ARB2A: variants seen among roughly 807,000 people sequenced by gnomAD.
The protein encoded by ARB2A is ARB2 cotranscriptional regulator A.
At chr5:93,797,364 T>C in the ARB2A span, among the ~76,000 whole-genome samples, 1 of 152,264 alleles carries the variant, frequency 6.6e-6, no homozygotes, top group African/African-American at 2.4e-5. Context: ...TCTATTATCA[T>C]TAAGTATTGC....
At chr5:93,736,448 C>G in the ARB2A span, 1 of 152,164 alleles carries the variant, frequency 6.6e-6, no homozygotes, top group Non-Finnish European at 1.5e-5. Flanking sequence ...TGAGCTACAT[C>G]TGGGCTACTT....
the ARB2A span, among the ~76,000 whole-genome samples, chr5:93,888,830 G>A: frequency 1.3e-5 from 2 of 151,600 alleles, no homozygotes; most frequent in African/African-American, 4.8e-5. Context: ...CAGTGCTTGT[G>A]GTGCTAGAGT....
At chr5:93,965,990 T>C in the ARB2A span, among the ~76,000 whole-genome samples, 1 of 152,058 alleles carries the variant, frequency 6.6e-6, no homozygotes, top group Non-Finnish European at 1.5e-5. Context: ...AAAATGCTAG[T>C]TATTAAACTA....
the ARB2A span, among the ~76,000 whole-genome samples, chr5:93,883,784 A>G: frequency 1.3e-5 from 2 of 151,474 alleles, no homozygotes; most frequent in African/African-American, 4.8e-5. Flanking sequence ...CATAGTCAAA[A>G]AAGGTCACCA....
At chr5:93,648,772 T>C in the ARB2A span, among the ~76,000 whole-genome samples, 2 of 152,248 alleles carry the variant, frequency 1.3e-5, no homozygotes, top group Non-Finnish European at 2.9e-5. Context: ...CCTATCAATA[T>C]GCTTGAAGTT....
At chr5:94,027,474 T>C in the ARB2A span, among the ~76,000 whole-genome samples, 1 of 152,132 alleles carries the variant, frequency 6.6e-6, no homozygotes, top group East Asian at 1.9e-4. Flanking sequence ...GCCTAGGTAA[T>C]AAGGCTTCCA....
the ARB2A span, among the ~76,000 whole-genome samples, chr5:93,701,200 T>G: frequency 1.3e-4 from 20 of 152,336 alleles, 1 homozygote; most frequent in African/African-American, 4.8e-4. Context: ...AATAATTGTA[T>G]GCTTCTTTTT....
the ARB2A span, among the ~76,000 whole-genome samples, chr5:93,783,100 A>G: frequency 6.6e-6 from 1 of 152,092 alleles, no homozygotes; most frequent in African/African-American, 2.4e-5. Context: ...AAATTTTATT[A>G]TATTTGTCAT....
At chr5:94,090,325 T>G in the ARB2A span, among the ~76,000 whole-genome samples, 1 of 152,210 alleles carries the variant, frequency 6.6e-6, no homozygotes, top group Non-Finnish European at 1.5e-5. Context: ...GCTCTCTGTT[T>G]GTCTATTATT....
chr5:94,044,988 G>A, the ARB2A span, among the ~76,000 whole-genome samples: 8 of 151,478 alleles, frequency 5.3e-5, no homozygotes, highest in Non-Finnish European at 1.0e-4. Flanking sequence ...GCATGGTGGC[G>A]CTTGCCTGTA....
At chr5:93,906,842 T>C in the ARB2A span, among the ~76,000 whole-genome samples, 1 of 151,396 alleles carries the variant, frequency 6.6e-6, no homozygotes, top group Non-Finnish European at 1.5e-5. Flanking sequence ...TGAGGAAAAA[T>C]GAATCTTCAG....
the ARB2A span, among the ~76,000 whole-genome samples, chr5:93,821,518 A>G: frequency 6.6e-6 from 1 of 152,096 alleles, no homozygotes; most frequent in Admixed American, 6.5e-5. Flanking sequence ...TGAAAGTAAA[A>G]CAATTCATAC....
the ARB2A span, among the ~76,000 whole-genome samples, chr5:93,732,520 A>G: frequency 6.6e-6 from 1 of 151,984 alleles, no homozygotes; most frequent in Non-Finnish European, 1.5e-5. Flanking sequence ...AGAAAAACAG[A>G]CATATGGCAG....
At chr5:93,689,491 C>T in the ARB2A span, among the ~76,000 whole-genome samples, 256 of 152,292 alleles carry the variant, frequency 1.7e-3, no homozygotes, top group Non-Finnish European at 1.8e-3. Context: ...ACTGCTAAGA[C>T]GCAGCATTCT....
chr5:94,014,615 A>G, the ARB2A span, among the ~76,000 whole-genome samples: 6 of 152,164 alleles, frequency 3.9e-5, no homozygotes, highest in Non-Finnish European at 8.8e-5. Flanking sequence ...TCAAAGTAGC[A>G]GTGTTAAGGC....
the ARB2A span, chr5:93,618,117 T>C: frequency 6.6e-6 from 1 of 151,728 alleles, no homozygotes; most frequent in African/African-American, 2.4e-5. Flanking sequence ...AAATATAATA[T>C]ACAGGAAAAG....
At chr5:94,003,996 G>A in the ARB2A span, among the ~76,000 whole-genome samples, 2 of 152,128 alleles carry the variant, frequency 1.3e-5, no homozygotes, top group African/African-American at 4.8e-5. Flanking sequence ...CAGACATATA[G>A]ATCAATAGAA....
At chr5:93,776,639 G>C in the ARB2A span, among the ~76,000 whole-genome samples, 3 of 152,202 alleles carry the variant, frequency 2.0e-5, no homozygotes, top group South Asian at 6.2e-4. Flanking sequence ...TTAGCCTGGC[G>C]TGGTGGTGCA....
chr5:93,618,642 A>T, the ARB2A span: 2 of 152,184 alleles, frequency 1.3e-5, no homozygotes, highest in Non-Finnish European at 2.9e-5. Flanking sequence ...AAAGAATCTG[A>T]TCACTTATCA....
Sources: allele counts gnomAD v4.1 joint callset (sites outside exome capture counted in the v4.1 genomes callset), GRCh38; gene constraint gnomAD v4.1.1; transcripts MANE v1.5; gene names NCBI Gene and HGNC (gene_info 2026-07-23, HGNC 2026-07-21).